ENTREP1: variants seen among roughly 807,000 people sequenced by gnomAD.
The protein encoded by ENTREP1 is endosomal transmembrane epsin interactor 1, also known as Friedreich ataxia region gene X123.
the ENTREP1 span, among the ~76,000 whole-genome samples, chr9:69,352,544 C>G: frequency 6.6e-6 from 1 of 152,096 alleles, no homozygotes; most frequent in Non-Finnish European, 1.5e-5. Context: ...ATGTACTAAT[C>G]GACTAATCAC....
the ENTREP1 span, among the ~76,000 whole-genome samples, chr9:69,376,830 A>T: frequency 6.6e-6 from 1 of 152,238 alleles, no homozygotes; most frequent in East Asian, 1.9e-4. Context: ...CTATTTTGAG[A>T]TGTGTGTTTA....
the ENTREP1 span, chr9:69,386,191 G>A: frequency 3.0e-6 from 1 of 331,864 alleles, no homozygotes; most frequent in Admixed American, 4.9e-5. Context: ...AAAAGAATTT[G>A]GTTGTACATG....
chr9:69,352,419 ATGT>A, the ENTREP1 span, among the ~76,000 whole-genome samples: 1 of 152,168 alleles, frequency 6.6e-6, no homozygotes, highest in East Asian at 1.9e-4. Flanking sequence ...GCACCCAGCC[ATGT>A]TGTTAGATTT....
At chr9:69,329,212 G>A in the ENTREP1 span, 1 of 229,642 alleles carries the variant, frequency 4.4e-6, no homozygotes, top group South Asian at 1.6e-4. Context: ...TTCAAGCTTT[G>A]ACCATTAGGA....
At chr9:69,366,817 T>C in the ENTREP1 span, among the ~76,000 whole-genome samples, 14 of 152,298 alleles carry the variant, frequency 9.2e-5, no homozygotes, top group South Asian at 2.5e-3. Context: ...ATGTATGTTC[T>C]TGGTGCCTCT....
chr9:69,335,067 T>C, the ENTREP1 span, among the ~76,000 whole-genome samples: 1 of 152,162 alleles, frequency 6.6e-6, no homozygotes, highest in Non-Finnish European at 1.5e-5. Flanking sequence ...AGCCTGTTTT[T>C]TCTTATTGAG....
the ENTREP1 span, among the ~76,000 whole-genome samples, chr9:69,368,445 G>A: frequency 1.3e-5 from 2 of 152,094 alleles, no homozygotes; most frequent in African/African-American, 4.8e-5. Context: ...ATAATGTGAT[G>A]TATCACATTT....
At chr9:69,331,096 C>G in the ENTREP1 span, among the ~76,000 whole-genome samples, 2 of 152,038 alleles carry the variant, frequency 1.3e-5, no homozygotes, top group African/African-American at 4.8e-5. Context: ...CACACACATA[C>G]ACACACATTT....
the ENTREP1 span, chr9:69,391,477 C>CTTTTTTTTTTTT: frequency 1.4e-6 from 1 of 692,084 alleles, no homozygotes. Context: ...GGGAAAATGC[C>CTTTTTTTTTTTT]TTTTTTTTTT....
the ENTREP1 span, chr9:69,385,767 T>C: frequency 4.3e-6 from 2 of 470,138 alleles, no homozygotes; most frequent in Middle Eastern, 5.8e-4. Flanking sequence ...TCGCCTCTTT[T>C]TTTTTTTTTT....
chr9:69,385,541 T>G, the ENTREP1 span, among the ~76,000 whole-genome samples: 1 of 152,324 alleles, frequency 6.6e-6, no homozygotes, highest in East Asian at 1.9e-4. Context: ...GGCTCCTTTA[T>G]TTTGCTCTTG....
At chr9:69,325,019 G>T in the ENTREP1 span, 2 of 985,376 alleles carry the variant, frequency 2.0e-6, no homozygotes, top group South Asian at 9.4e-5. Flanking sequence ...AGGCTGTGGC[G>T]CACTTGCCCC....
the ENTREP1 span, among the ~76,000 whole-genome samples, chr9:69,330,168 A>G: frequency 6.6e-6 from 1 of 152,000 alleles, no homozygotes; most frequent in African/African-American, 2.4e-5. Flanking sequence ...GGAGTTAGCT[A>G]GGTTCCACTG....
At chr9:69,359,333 G>A in the ENTREP1 span, among the ~76,000 whole-genome samples, 21 of 152,262 alleles carry the variant, frequency 1.4e-4, no homozygotes, top group East Asian at 2.3e-3. Context: ...GAGGTGAGAT[G>A]GTGATATGGT....
chr9:69,336,251 A>G, the ENTREP1 span: 1 of 1,589,664 alleles, frequency 6.3e-7, no homozygotes, highest in Non-Finnish European at 8.6e-7. Flanking sequence ...CAACTTGGAA[A>G]AGGCCTATGA....
chr9:69,346,633 T>A, the ENTREP1 span, among the ~76,000 whole-genome samples: 1 of 152,244 alleles, frequency 6.6e-6, no homozygotes, highest in Non-Finnish European at 1.5e-5. Flanking sequence ...AGCTATATTA[T>A]ATCATTCAGA....
the ENTREP1 span, among the ~76,000 whole-genome samples, chr9:69,339,374 G>A: frequency 1.3e-5 from 2 of 152,110 alleles, no homozygotes; most frequent in East Asian, 1.9e-4. Flanking sequence ...CTTGTGTTAT[G>A]TCACAAAAGG....
At chr9:69,354,263 T>TTG in the ENTREP1 span, among the ~76,000 whole-genome samples, 1 of 143,686 alleles carries the variant, frequency 7.0e-6, no homozygotes, top group Non-Finnish European at 1.5e-5. Context: ...CATTTTTTTT[T>TTG]TTTTTTTTTT....
At chr9:69,385,249 C>T in the ENTREP1 span, among the ~76,000 whole-genome samples, 3 of 152,116 alleles carry the variant, frequency 2.0e-5, no homozygotes, top group African/African-American at 4.8e-5. Context: ...AACAGTTTCT[C>T]GAATTACAAC....
Sources: gnomAD v4.1 joint callset for allele counts (sites outside exome capture counted in the v4.1 genomes callset) on GRCh38, gnomAD v4.1.1 for gene constraint, MANE v1.5 for transcripts, NCBI Gene and HGNC (gene_info 2026-07-23, HGNC 2026-07-21) for gene names.